Variants in FUT8 observed in about 807,000 individuals in gnomAD.
FUT8 encodes alpha-(1,6)-fucosyltransferase.
FUT8 carries 29 observed loss-of-function variants against 71.3 expected under a neutral mutation model. The ratio of observed to expected loss-of-function variants is 0.41; its 90% CI spans 0.30 to 0.55. The LOEUF is 0.55. Ranked by LOEUF, FUT8 falls within the 20% of genes least tolerant of loss-of-function variation. The pLI, the probability that FUT8 is intolerant of heterozygous loss-of-function variation, is 0.34. For synonymous variants in FUT8, 254 were observed against 239.3 expected (o/e 1.06, Z -0.57); for missense variants, 544 against 702.1 (o/e 0.77, Z 2.55).
intron 2 of FUT8, among the ~76,000 whole-genome samples, chr14:65,492,999 G>C (rs1464709201): frequency 6.6e-6 from 1 of 151,976 alleles, no homozygotes; most frequent in Non-Finnish European, 1.5e-5. Flanking sequence ...TAAGGTGAAA[G>C]TTTAAACTTG....
At chr14:65,715,846 C>T (rs984679341) in intron 7 of FUT8, among the ~76,000 whole-genome samples, 1 of 152,008 alleles carries the variant, frequency 6.6e-6, no homozygotes. Flanking sequence ...TACAGTGGCA[C>T]ATACCTTGTG....
intron 2 of FUT8, among the ~76,000 whole-genome samples, chr14:65,533,793 A>G (rs746068886): frequency 2.6e-5 from 4 of 152,092 alleles, no homozygotes; most frequent in African/African-American, 7.2e-5. Context: ...ATTTTGATGT[A>G]TGTTCCTTCA....
At chr14:65,485,845 C>A (rs1041408453) in intron 2 of FUT8, among the ~76,000 whole-genome samples, 1 of 152,164 alleles carries the variant, frequency 6.6e-6, no homozygotes, top group Admixed American at 6.5e-5. Flanking sequence ...TGGGCCTTAG[C>A]CTGAAAAGTC....
chr14:65,593,283 A>G (rs1313660738), intron 3 of FUT8, among the ~76,000 whole-genome samples: 1 of 152,232 alleles, frequency 6.6e-6, no homozygotes, highest in Admixed American at 6.5e-5. Context: ...GAGTAGTTTA[A>G]TAGTTGTAAT....
At chr14:65,549,423 C>T (rs1452823393) in intron 2 of FUT8, among the ~76,000 whole-genome samples, 1 of 151,746 alleles carries the variant, frequency 6.6e-6, no homozygotes, top group Non-Finnish European at 1.5e-5. Flanking sequence ...ATGGTTTACC[C>T]CCCAATCTTG....
upstream of FUT8, chr14:65,411,988 G>A (rs763775935): frequency 1.5e-5 from 7 of 456,098 alleles, no homozygotes; most frequent in South Asian, 7.7e-5. Context: ...TTCCGAGTCC[G>A]AGCGGGTAGG....
At chr14:65,403,410 G>C in the FUT8 span, among the ~76,000 whole-genome samples, 18,708 of 152,164 alleles carry the variant, frequency 0.12, 1,473 homozygotes, top group East Asian at 0.38. Context: ...ATGGAAACTA[G>C]AAGATCCTGA....
intron 7 of FUT8, among the ~76,000 whole-genome samples, chr14:65,692,597 G>A (rs1305562781): frequency 6.7e-6 from 1 of 150,344 alleles, no homozygotes; most frequent in African/African-American, 2.4e-5. Flanking sequence ...GCGGCTGGCT[G>A]GGCGGGGGGC....
At chr14:65,726,740 C>G (rs995249732) in intron 9 of FUT8, among the ~76,000 whole-genome samples, 3 of 152,130 alleles carry the variant, frequency 2.0e-5, no homozygotes, top group Non-Finnish European at 1.5e-5. Flanking sequence ...ACAGTCCCCC[C>G]GGAGTCTTAA....
rs183006251 is a variant in FUT8, at chr14:65,439,991, T to C, written c.-325-15630T>C. 4.2e-3 allele frequency among the ~76,000 whole-genome samples: 568 copies of C among 134,108 alleles called. 6 individuals carry two copies. The highest frequency in any genetic ancestry group is 6.4e-3 in the South Asian group (27 of 4,222). The allele number at this position is 134,108 out of a possible 152,430, so 88.0% of individuals were successfully genotyped here. On this transcript the variant is annotated intron_variant, in intron 1 of 10. Coordinates refer to ENST00000673929, the MANE Select transcript of FUT8 (RefSeq NM_001371533.1). ...ATATATATATATATATATATATATATGTACACACACACAGTGGAATACTGT... is the reference window on the plus strand; with the variant it reads ...ATATATATATATATATATATATATACGTACACACACACAGTGGAATACTGT...
At chr14:65,641,019 A>G (rs150021486) in intron 6 of FUT8, among the ~76,000 whole-genome samples, 117 of 152,302 alleles carry the variant, frequency 7.7e-4, no homozygotes, top group Middle Eastern at 3.4e-3. Context: ...CCTTATTGAG[A>G]TATAGTTGAC....
At chr14:65,368,511 T>TTTG in the FUT8 span, among the ~76,000 whole-genome samples, 5 of 131,262 alleles carry the variant, frequency 3.8e-5, no homozygotes, top group African/African-American at 8.0e-5. Context: ...TGGCTATTTT[T>TTTG]TTGTTGTTGT....
At chr14:65,608,768 G>C (rs966495142) in intron 3 of FUT8, among the ~76,000 whole-genome samples, 2 of 151,972 alleles carry the variant, frequency 1.3e-5, no homozygotes, top group Non-Finnish European at 2.9e-5. Flanking sequence ...TGTAAGCAGT[G>C]AACCAGGCCA....
rs1294803413 is a variant in FUT8, at chr14:65,646,668, CT to C, written c.597+17074del. ...CATAACTGAGCAGCCTTTCCAATGA[CT>C]TTTTTTTTTTTGGTCTCTGTTCAGT... On this transcript the variant is annotated intron_variant, in intron 6 of 10. Transcript: ENST00000673929. 500 of 145,674 alleles carry C rather than the reference CT, an allele frequency of 3.4e-3. 2 individuals are homozygous for C. Among genetic ancestry groups the C allele is most frequent in the African/African-American group, 6.1e-3 (246 of 40,086 alleles). 9.0% of individuals were successfully genotyped at this position (145,674 alleles called of 1,614,324 possible). A position where few individuals can be genotyped will look rare whatever the true frequency, so the allele number is the denominator to read the frequency against.
chr14:65,676,772 A>G (rs558667340), intron 7 of FUT8, among the ~76,000 whole-genome samples: 1 of 152,332 alleles, frequency 6.6e-6, no homozygotes, highest in Admixed American at 6.5e-5. Context: ...TTTCAGTAGC[A>G]TTTTGATAAC....
chr14:65,390,547 TC>T, the FUT8 span, among the ~76,000 whole-genome samples: 1 of 151,862 alleles, frequency 6.6e-6, no homozygotes, highest in Non-Finnish European at 1.5e-5. Flanking sequence ...TTGACTTTTT[TC>T]AATGAAGTAA....
intron 7 of FUT8, among the ~76,000 whole-genome samples, chr14:65,678,257 G>C (rs931065423): frequency 2.0e-5 from 3 of 152,160 alleles, no homozygotes; most frequent in Admixed American, 1.3e-4. Flanking sequence ...GCTACTTGAT[G>C]GCTTTTTGTG....
At chr14:65,377,395 G>A in the FUT8 span, among the ~76,000 whole-genome samples, 1 of 152,036 alleles carries the variant, frequency 6.6e-6, no homozygotes, top group Non-Finnish European at 1.5e-5. Flanking sequence ...TTGCCTGGTG[G>A]TAAAAATAAA....
intron 2 of FUT8, among the ~76,000 whole-genome samples, chr14:65,457,352 A>C (rs2065907548): frequency 6.6e-6 from 1 of 152,232 alleles, no homozygotes; most frequent in South Asian, 2.1e-4. Flanking sequence ...AGAAACTTGC[A>C]ATTTATGGTC....
Sources: gnomAD v4.1 joint callset for allele counts (sites outside exome capture counted in the v4.1 genomes callset) on GRCh38, gnomAD v4.1.1 for gene constraint, MANE v1.5 for transcripts, NCBI Gene and HGNC (gene_info 2026-07-23, HGNC 2026-07-21) for gene names.